The following ADCY2 variants were observed in gnomAD, a reference collection of about 807,000 sequenced individuals.
ADCY2 encodes adenylate cyclase 2.
ADCY2 carries 31 observed loss-of-function variants against 125.2 expected under a neutral mutation model. The ratio of observed to expected loss-of-function variants is 0.25; its 90% CI spans 0.19 to 0.33. The LOEUF (loss-of-function observed/expected upper bound fraction) is 0.33, where lower values mean the gene tolerates loss of function less well. ADCY2 is among the 10% of genes least tolerant of loss of function. ADCY2 has a pLI of 1.00. For synonymous variants in ADCY2, 512 were observed against 548.4 expected (o/e 0.93, Z 0.93); for missense variants, 904 against 1,418.2 (o/e 0.64, Z 5.82).
chr5:7,781,482 G>T (rs781514437), intron 18 of ADCY2, among the ~76,000 whole-genome samples: 11 of 152,182 alleles, frequency 7.2e-5, no homozygotes, highest in Non-Finnish European at 1.5e-4. Flanking sequence ...GGAATGCCAC[G>T]TGATGATGAA....
intron 3 of ADCY2, among the ~76,000 whole-genome samples, chr5:7,562,334 C>T (rs1055740679): frequency 2.6e-4 from 40 of 151,752 alleles, no homozygotes; most frequent in Admixed American, 2.0e-3. Context: ...ATGTATCTGA[C>T]GAAGTTAAAC....
chr5:7,646,014 G>A (rs190725020), intron 4 of ADCY2, among the ~76,000 whole-genome samples: 60 of 152,296 alleles, frequency 3.9e-4, no homozygotes, highest in Middle Eastern at 3.4e-3. Flanking sequence ...TCAGGCAAAT[G>A]TGGATTCAGA....
At chr5:7,781,054 T>C (rs983794480) in intron 18 of ADCY2, among the ~76,000 whole-genome samples, 4 of 152,198 alleles carry the variant, frequency 2.6e-5, no homozygotes, top group African/African-American at 9.6e-5. Context: ...TGTCGTTGTG[T>C]TGGAAATCAT....
chr5:7,558,304 C>T (rs1208348261), intron 3 of ADCY2, among the ~76,000 whole-genome samples: 1 of 152,142 alleles, frequency 6.6e-6, no homozygotes, highest in African/African-American at 2.4e-5. Context: ...CCACCTGCCT[C>T]ATTCTCCCAA....
At chr5:7,634,774 A>G (rs1396189080) in intron 4 of ADCY2, among the ~76,000 whole-genome samples, 2 of 151,568 alleles carry the variant, frequency 1.3e-5, no homozygotes, top group Non-Finnish European at 2.9e-5. Flanking sequence ...AGCCAAGACT[A>G]GAGGTCCCTG....
Position 7,816,861 on chromosome 5 carries a change from C to T in ADCY2, c.2884-5C>T. On this transcript the variant is annotated splice_region_variant and splice_polypyrimidine_tract_variant and intron_variant, in intron 22 of 24. Transcript: ENST00000338316. Reference sequence around the variant, plus strand: ...TTCCATCTGCCTGTGTGTGTTTGTTCTCAGGAGCCCGAGCGGCAGTACATG... The same window carrying T: ...TTCCATCTGCCTGTGTGTGTTTGTTTTCAGGAGCCCGAGCGGCAGTACATG... 6.2e-7 allele frequency: 1 copy of T among 1,613,386 alleles called. No homozygotes were observed.
Position 7,709,497 on chromosome 5 carries a change from T to G in ADCY2, c.1578+110T>G. 7.9e-7 allele frequency: 1 copy of G among 1,266,732 alleles called. No homozygotes were observed. Among genetic ancestry groups the G allele is most frequent in the Non-Finnish European group, 1.1e-6 (1 of 943,600 alleles). 78.5% of individuals were successfully genotyped at this position (1,266,732 alleles called of 1,614,324 possible). ...TAACTCCTTTCTGTAAGAAACAAAC[T>G]TATCACCTTCTTCTTCTCAGAGAGG... On this transcript the variant is annotated intron_variant, in intron 10 of 24. Transcript: ENST00000338316. The surrounding 1 kb of genome is among the most constrained non-coding windows in gnomAD (Gnocchi z 4.4).
intron 14 of ADCY2, among the ~76,000 whole-genome samples, chr5:7,731,834 C>T (rs1742111966): frequency 6.6e-6 from 1 of 152,042 alleles, no homozygotes; most frequent in African/African-American, 2.4e-5. Flanking sequence ...AACTTCTAGC[C>T]TCAAGCAATC....
chr5:7,465,545 G>C (rs1336578982), intron 2 of ADCY2, among the ~76,000 whole-genome samples: 1 of 152,222 alleles, frequency 6.6e-6, no homozygotes, highest in African/African-American at 2.4e-5. Flanking sequence ...AGGCTCTGCA[G>C]AGCAGGTACA....
intron 14 of ADCY2, among the ~76,000 whole-genome samples, chr5:7,734,278 A>T: frequency 6.6e-6 from 1 of 152,166 alleles, no homozygotes; most frequent in East Asian, 1.9e-4. Flanking sequence ...ATAGCTTGTA[A>T]TTAATACATT....
intron 4 of ADCY2, among the ~76,000 whole-genome samples, chr5:7,674,882 G>A (rs1406898606): frequency 3.9e-5 from 6 of 152,124 alleles, no homozygotes; most frequent in Admixed American, 2.0e-4. Context: ...TTGGCTGGGC[G>A]CGGTGGCTCA....
chr5:7,504,426 C>T (rs1290874148), intron 2 of ADCY2, among the ~76,000 whole-genome samples: 1 of 152,078 alleles, frequency 6.6e-6, no homozygotes, highest in East Asian at 1.9e-4. Flanking sequence ...GTGAAATTTT[C>T]CCATTTCTCT....
intron 2 of ADCY2, among the ~76,000 whole-genome samples, chr5:7,437,393 C>T (rs1474708733): frequency 2.0e-5 from 3 of 152,198 alleles, no homozygotes; most frequent in Non-Finnish European, 4.4e-5. Flanking sequence ...TGTTAACCCA[C>T]ACTGCTGTGA....
chr5:7,828,228 A>C lies in ADCY2; in HGVS notation c.*1357A>C, dbSNP rs1745547511. The C allele has an allele frequency of 6.5e-6, 1 of 152,802 alleles. No individual in the cohort carries two copies. The highest frequency in any genetic ancestry group is 2.1e-4 in the South Asian group (1 of 4,828). The allele number at this position is 152,802 out of a possible 1,614,324, so 9.5% of individuals were successfully genotyped here. A position where few individuals can be genotyped will look rare whatever the true frequency, so the allele number is the denominator to read the frequency against. On this transcript the variant is annotated 3_prime_UTR_variant, in exon 25 of 25. Coordinates refer to ENST00000338316, the MANE Select transcript of ADCY2 (RefSeq NM_020546.3). ...TTGGTCAAACTTGTTTTCTTTTTAT[A>C]ACTCATGGCAGGCATCTGTAAGAAG...
chr5:7,808,030 C>T (rs916554874), intron 22 of ADCY2, among the ~76,000 whole-genome samples: 1 of 152,132 alleles, frequency 6.6e-6, no homozygotes, highest in African/African-American at 2.4e-5. Context: ...ACTAGTTTAC[C>T]GAGGTGATTC....
intron 22 of ADCY2, among the ~76,000 whole-genome samples, chr5:7,808,020 A>T (rs1744806973): frequency 6.6e-6 from 1 of 151,990 alleles, no homozygotes; most frequent in South Asian, 2.1e-4. Flanking sequence ...CCCCATTTCC[A>T]CTAGTTTACC....
intron 1 of ADCY2, among the ~76,000 whole-genome samples, chr5:7,412,383 G>A (rs148990853): frequency 1.3e-5 from 2 of 152,260 alleles, no homozygotes; most frequent in Admixed American, 1.3e-4. Flanking sequence ...GCTCATTTGG[G>A]GAGGTTTAAG....
chr5:7,549,872 C>A (rs1441812306), intron 3 of ADCY2, among the ~76,000 whole-genome samples: 2 of 152,150 alleles, frequency 1.3e-5, no homozygotes, highest in Non-Finnish European at 2.9e-5. Context: ...CCTGGATAGA[C>A]TAAACTTTCT....
At chr5:7,787,748 C>G (rs1380833801) in intron 19 of ADCY2, among the ~76,000 whole-genome samples, 1 of 151,976 alleles carries the variant, frequency 6.6e-6, no homozygotes, top group Non-Finnish European at 1.5e-5. Context: ...ACAGCTGAAC[C>G]GAAATACTCT....
Sources: gnomAD v4.1 joint callset for allele counts (sites outside exome capture counted in the v4.1 genomes callset) on GRCh38, gnomAD v4.1.1 for gene constraint, Gnocchi (gnomAD v3.1) non-coding constraint, MANE v1.5 for transcripts, NCBI Gene and HGNC (gene_info 2026-07-23, HGNC 2026-07-21) for gene names.